The following TF variants were observed in gnomAD, a reference collection of about 807,000 sequenced individuals.
The protein encoded by TF is transferrin, also known as serotransferrin.
In TF, 55 loss-of-function variants were observed where a neutral mutation model predicts 82.4. The ratio of observed to expected loss-of-function variants is 0.67; its 90% confidence interval spans 0.54 to 0.84. TF has a LOEUF of 0.84. TF is among the 40% of genes least tolerant of loss of function. The pLI, the probability that TF is intolerant of heterozygous loss-of-function variation, is 0.00. For missense variants in TF, 737 were observed against 868.4 expected (o/e 0.85, Z 1.90); for synonymous variants, 332 against 332.6 (o/e 1.00, Z 0.02).
In TF at chr3:133,753,357, C is replaced by T. The variant is rs185266022; in HGVS notation, c.217-238C>T. Among the ~76,000 whole-genome samples, 9 of 152,248 alleles carry T rather than the reference C, an allele frequency of 5.9e-5. No homozygotes were observed. In the East Asian group the frequency reaches 1.4e-3, roughly 23 times the overall value. On this transcript the variant is annotated intron_variant, in intron 2 of 16. Transcript: ENST00000402696. ...TTTGGCCAGGAGCTGGGCACCTCAC[C>T]GGGGAAAAGAGAAACACAATCCATC...
intron 5 of TF, 50 bp from the exon 6 acceptor site, chr3:133,756,232 G>A (rs1354647604): frequency 1.3e-6 from 2 of 1,590,586 alleles, no homozygotes; most frequent in African/African-American, 2.7e-5. Context: ...CCAGGTGCAG[G>A]AGAAGGGCCT....
chr3:133,744,861 A>C (rs1364792455), upstream of TF, among the ~76,000 whole-genome samples: 1 of 152,232 alleles, frequency 6.6e-6, no homozygotes, highest in Non-Finnish European at 1.5e-5. Flanking sequence ...ATTATCATTC[A>C]TTCATATTGA....
At chr3:133,725,406 CT>C in the TF span, among the ~76,000 whole-genome samples, 1 of 152,038 alleles carries the variant, frequency 6.6e-6, no homozygotes, top group Non-Finnish European at 1.5e-5. Flanking sequence ...GTATTTTATT[CT>C]CTTTGAAGCA....
chr3:133,753,546 C>A, intron 2 of TF, 49 bp from the exon 3 acceptor site: 2 of 1,553,596 alleles, frequency 1.3e-6, no homozygotes, highest in Non-Finnish European at 1.8e-6. Flanking sequence ...TGAGGTGGGC[C>A]TTCCTTGGAA....
chr3:133,746,493 G>A lies in TF; in HGVS notation c.43+10G>A. 6.3e-7 allele frequency: 1 copy of A among 1,595,350 alleles called. No homozygotes were observed. Among genetic ancestry groups the A allele is most frequent in the African/African-American group, 1.3e-5 (1 of 74,740 alleles). On this transcript the variant is annotated intron_variant, in intron 1 of 16. Coordinates refer to ENST00000402696, the MANE Select transcript of TF (RefSeq NM_001063.4). ...GTCTGCGCCGTCCTGGGTGAGTGCG[G>A]GCACGGGGTAGCACCGCAGAGTCGC...
At chr3:133,733,563 T>C in the TF span, among the ~76,000 whole-genome samples, 2 of 152,126 alleles carry the variant, frequency 1.3e-5, no homozygotes, top group African/African-American at 2.4e-5. Flanking sequence ...CTGGGTGAGA[T>C]TGAAAATATG....
rs1934745310 is a variant in TF at position 133,788,520 on chromosome 3, A to G, written c.*9900A>G. 6.6e-6 allele frequency: 1 copy of G among 152,188 alleles called. No individual in the cohort carries two copies. Among genetic ancestry groups the G allele is most frequent in the Non-Finnish European group, 1.5e-5 (1 of 68,052 alleles). 9.4% of individuals were successfully genotyped at this position (152,188 alleles called of 1,614,324 possible). On this transcript the variant is annotated 3_prime_UTR_variant, in exon 17 of 17. Coordinates refer to ENST00000402696, the MANE Select transcript of TF (RefSeq NM_001063.4). ...TGTGTTTTGTCCAATTCTTGGTTCA[A>G]TATGCCCAGAACCTGGACACCCTCC...
At chr3:133,768,292 A>G in intron 13 of TF, 128 bp downstream of exon 13, 2 of 1,317,560 alleles carry the variant, frequency 1.5e-6, no homozygotes, top group Non-Finnish European at 2.1e-6. Flanking sequence ...AGTATATTTC[A>G]CAACCAGATA....
At chr3:133,730,751 G>T in the TF span, among the ~76,000 whole-genome samples, 2 of 150,628 alleles carry the variant, frequency 1.3e-5, no homozygotes, top group African/African-American at 5.0e-5. Flanking sequence ...ACACAAGCAT[G>T]CATACACACA....
intron 1 of TF, among the ~76,000 whole-genome samples, chr3:133,747,945 A>G (rs74717302): frequency 1.6e-4 from 24 of 151,082 alleles, no homozygotes; most frequent in African/African-American, 5.6e-4. Context: ...AAAAAAAAAA[A>G]GGCATCATTC....
the TF span, among the ~76,000 whole-genome samples, chr3:133,675,837 C>G: frequency 6.6e-6 from 1 of 152,174 alleles, no homozygotes; most frequent in Non-Finnish European, 1.5e-5. Flanking sequence ...GATCAACTTT[C>G]ACAGGCTTCA....
the TF span, among the ~76,000 whole-genome samples, chr3:133,693,556 C>T: frequency 7.7e-4 from 117 of 152,308 alleles, 1 homozygote; most frequent in African/African-American, 2.6e-3. Flanking sequence ...CAGCCTGGAT[C>T]GCAGCTCTGG....
chr3:133,769,059 G>A, intron 13 of TF, among the ~76,000 whole-genome samples: 1 of 152,144 alleles, frequency 6.6e-6, no homozygotes, highest in East Asian at 1.9e-4. Flanking sequence ...CTCCCAAAGT[G>A]CTGGTACTCA....
the TF span, among the ~76,000 whole-genome samples, chr3:133,686,100 G>A: frequency 1.3e-5 from 2 of 152,144 alleles, no homozygotes; most frequent in African/African-American, 4.8e-5. Context: ...AATGGGGAAA[G>A]GATTCCCTGT....
chr3:133,726,235 C>T, the TF span, among the ~76,000 whole-genome samples: 2 of 152,164 alleles, frequency 1.3e-5, no homozygotes, highest in Non-Finnish European at 2.9e-5. Context: ...AGGAATGGTA[C>T]CAGTTCCTCC....
At chr3:133,771,692 G>A (rs1056347791) in intron 14 of TF, among the ~76,000 whole-genome samples, 32 of 132,648 alleles carry the variant, frequency 2.4e-4, no homozygotes, top group African/African-American at 9.4e-4. Context: ...AGCCGAGATT[G>A]CGCCACTGCA....
intron 1 of TF, 107 bp downstream of exon 1, chr3:133,746,590 C>T: frequency 7.5e-7 from 1 of 1,329,342 alleles, no homozygotes; most frequent in South Asian, 1.3e-5. Context: ...AGGCTGGAAG[C>T]CTGGGTGTCT....
At chr3:133,778,486 T>G in intron 16 of TF, 100 bp from the exon 17 acceptor site, 2 of 1,338,686 alleles carry the variant, frequency 1.5e-6, no homozygotes, top group Non-Finnish European at 2.1e-6. Context: ...GCAGCAAGTC[T>G]GCACACTTTG....
rs1396277853 is a variant in TF at position 133,777,382 on chromosome 3, C to T, written c.2062+144C>T. The T allele has an allele frequency of 5.2e-6, 4 of 774,638 alleles. No individual in the cohort carries two copies. In the East Asian group the frequency reaches 1.1e-4, roughly 21 times the overall value. 48.0% of individuals were successfully genotyped at this position (774,638 alleles called of 1,614,324 possible). A position where few individuals can be genotyped will look rare whatever the true frequency, so the allele number is the denominator to read the frequency against. On this transcript the variant is annotated intron_variant, in intron 16 of 16. Coordinates refer to ENST00000402696, the MANE Select transcript of TF (RefSeq NM_001063.4). ...TGAAATGGTGAGTGAACAATCTAAGCCCGGCATGTATGACAGGCTAGACTG... is the reference window on the plus strand; with the variant it reads ...TGAAATGGTGAGTGAACAATCTAAGTCCGGCATGTATGACAGGCTAGACTG...
Sources: allele counts gnomAD v4.1 joint callset (sites outside exome capture counted in the v4.1 genomes callset), GRCh38; gene constraint gnomAD v4.1.1; transcripts MANE v1.5; gene names NCBI Gene and HGNC (gene_info 2026-07-23, HGNC 2026-07-21).